CEP128: variants seen among roughly 807,000 people sequenced by gnomAD.
The protein encoded by CEP128 is centrosomal protein 128kDa.
CEP128 carries 132 observed loss-of-function variants against 156.7 expected under a neutral mutation model. The observed-to-expected ratio is 0.84, with a 90% CI of 0.73 to 0.97. CEP128 has a LOEUF of 0.97. Among genes scored for constraint, CEP128 ranks in the 50% least tolerant of loss-of-function variants. CEP128 has a pLI of 0.00. For missense variants in CEP128, 1,252 were observed against 1,281.9 expected, an observed-to-expected ratio of 0.98 and a Z score of 0.36; for synonymous variants, 469 against 448.9, an observed-to-expected ratio of 1.04 and a Z score of -0.57.
intron 21 of CEP128, among the ~76,000 whole-genome samples, chr14:80,535,162 C>A (rs1889426830): frequency 6.6e-6 from 1 of 152,258 alleles, no homozygotes; most frequent in Middle Eastern, 3.4e-3. Flanking sequence ...TTTGAATACA[C>A]TTCCTAATCC....
chr14:80,799,666 C>G (rs905255123), intron 13 of CEP128, among the ~76,000 whole-genome samples: 5 of 152,070 alleles, frequency 3.3e-5, no homozygotes, highest in African/African-American at 1.2e-4. Flanking sequence ...GGTCTATAAA[C>G]GGCCGCTCTG....
chr14:80,899,823 G>A (rs1883425581), intron 7 of CEP128, 115 bp downstream of exon 7: 1 of 650,656 alleles, frequency 1.5e-6, no homozygotes, highest in Non-Finnish European at 2.7e-6. Flanking sequence ...AAATTTTAAG[G>A]TACTGTATAC....
intron 21 of CEP128, among the ~76,000 whole-genome samples, chr14:80,536,231 A>G (rs533750991): frequency 2.1e-4 from 32 of 152,246 alleles, no homozygotes; most frequent in African/African-American, 7.5e-4. Flanking sequence ...TGTAGAGAAA[A>G]CTTAAGGAAC....
chr14:80,702,606 A>C (rs1306450489), intron 19 of CEP128, among the ~76,000 whole-genome samples: 1 of 152,180 alleles, frequency 6.6e-6, no homozygotes, highest in East Asian at 1.9e-4. Flanking sequence ...ACCACTTACC[A>C]GGTAATATTA....
intron 16 of CEP128, among the ~76,000 whole-genome samples, chr14:80,775,775 T>G (rs748500521): frequency 6.6e-6 from 1 of 152,382 alleles, no homozygotes; most frequent in Non-Finnish European, 1.5e-5. Context: ...TATGAATGCG[T>G]GATAACACAT....
At chr14:80,893,457 G>A (rs1889197824) in intron 8 of CEP128, among the ~76,000 whole-genome samples, 1 of 151,230 alleles carries the variant, frequency 6.6e-6, no homozygotes, top group Non-Finnish European at 1.5e-5. Context: ...TACTATATAT[G>A]GGATTCATGC....
rs147637015 is a variant in CEP128 at position 80,780,489 on chromosome 14, A to T, written c.2212-2443T>A. Reference sequence around the variant, plus strand: ...AACTCTAGAGCAACTTCAATACCACATTAGGGAATAGCTTTAACACCCCTC... The same window carrying T: ...AACTCTAGAGCAACTTCAATACCACTTTAGGGAATAGCTTTAACACCCCTC... On this transcript the variant is annotated intron_variant, in intron 15 of 24. Coordinates refer to ENST00000555265, the MANE Select transcript of CEP128 (RefSeq NM_152446.5). Among the ~76,000 whole-genome samples, 814 of 152,248 alleles carry T rather than the reference A, an allele frequency of 5.3e-3. 4 individuals carry two copies. The highest frequency in any genetic ancestry group is 0.018 in the African/African-American group (756 of 41,544).
At chr14:80,812,101 G>A (rs1467289791) in intron 13 of CEP128, among the ~76,000 whole-genome samples, 1 of 152,044 alleles carries the variant, frequency 6.6e-6, no homozygotes, top group African/African-American at 2.4e-5. Context: ...CTTTCTTTGA[G>A]CCCATGTGTA....
chr14:80,871,549 A>T (rs1888028403), intron 8 of CEP128, among the ~76,000 whole-genome samples: 1 of 152,254 alleles, frequency 6.6e-6, no homozygotes, highest in Non-Finnish European at 1.5e-5. Context: ...AACAACCCTA[A>T]ATGAAGGTTG....
At chr14:80,539,049 T>C (rs61981666) in intron 21 of CEP128, among the ~76,000 whole-genome samples, 6,072 of 152,304 alleles carry the variant, frequency 0.04, 209 homozygotes, top group East Asian at 0.17. Flanking sequence ...AACAAATGAA[T>C]GAATACTATT....
chr14:80,775,137 G>T (rs1900722399), intron 16 of CEP128, among the ~76,000 whole-genome samples: 1 of 152,276 alleles, frequency 6.6e-6, no homozygotes, highest in South Asian at 2.1e-4. Flanking sequence ...ACCATGCCAA[G>T]CACTTTACAT....
intron 9 of CEP128, among the ~76,000 whole-genome samples, chr14:80,843,155 T>C (rs1252376746): frequency 6.6e-6 from 1 of 151,982 alleles, no homozygotes; most frequent in Non-Finnish European, 1.5e-5. Flanking sequence ...AACAAGCATG[T>C]TTATCAAGAG....
At chr14:80,739,726 C>A (rs763541959) in intron 19 of CEP128, among the ~76,000 whole-genome samples, 20 of 151,944 alleles carry the variant, frequency 1.3e-4, no homozygotes, top group Non-Finnish European at 2.4e-4. Context: ...AGAATTAATA[C>A]TAACAATGTT....
intron 13 of CEP128, among the ~76,000 whole-genome samples, chr14:80,821,139 C>G (rs1000041209): frequency 1.3e-5 from 2 of 152,110 alleles, no homozygotes; most frequent in Admixed American, 6.5e-5. Flanking sequence ...CATAATAGAC[C>G]TGTTGAATTT....
At chr14:80,868,263 TAA>T (rs1887867177) in intron 8 of CEP128, among the ~76,000 whole-genome samples, 1 of 152,190 alleles carries the variant, frequency 6.6e-6, no homozygotes, top group African/African-American at 2.4e-5. Context: ...TGGTAGTGTT[TAA>T]GTTACTTTTA....
intron 13 of CEP128, among the ~76,000 whole-genome samples, chr14:80,825,813 T>C (rs1885440502): frequency 6.6e-6 from 1 of 152,018 alleles, no homozygotes; most frequent in South Asian, 2.1e-4. Context: ...GGATTTTACT[T>C]GCAGAACATC....
chr14:80,880,195 C>T (rs1022615954), intron 8 of CEP128, among the ~76,000 whole-genome samples: 12 of 151,912 alleles, frequency 7.9e-5, no homozygotes, highest in Non-Finnish European at 1.5e-4. Flanking sequence ...TGATGTCATA[C>T]ATCATATTAA....
chr14:80,843,516 AT>A (rs963755610), intron 9 of CEP128, among the ~76,000 whole-genome samples: 3 of 151,886 alleles, frequency 2.0e-5, no homozygotes, highest in South Asian at 2.1e-4. Context: ...ATCAAATCAG[AT>A]TTTTTTTCCA....
At chr14:80,806,501 T>G (rs1036360033) in intron 13 of CEP128, among the ~76,000 whole-genome samples, 1 of 152,210 alleles carries the variant, frequency 6.6e-6, no homozygotes, top group African/African-American at 2.4e-5. Context: ...TATCTCAAAG[T>G]ACATTTCTGT....
Sources: allele counts gnomAD v4.1 joint callset (sites outside exome capture counted in the v4.1 genomes callset), GRCh38; gene constraint gnomAD v4.1.1; transcripts MANE v1.5; gene names NCBI Gene and HGNC (gene_info 2026-07-23, HGNC 2026-07-21).